The following PRUNE2 variants were observed in gnomAD, a reference collection of about 807,000 sequenced individuals.
PRUNE2 encodes the protein prune homolog 2 with BCH domain.
PRUNE2 carries 164 observed loss-of-function variants against 252.0 expected under a neutral mutation model. The ratio of observed to expected loss-of-function variants is 0.65; its 90% CI spans 0.57 to 0.74. The LOEUF is 0.74. PRUNE2 is among the 30% of genes least tolerant of loss of function. PRUNE2 has a pLI of 0.00. For missense variants in PRUNE2, 3,495 were observed against 3,711.0 expected, an observed-to-expected ratio of 0.94 and a Z score of 1.51; for synonymous variants, 1,292 against 1,350.2, an observed-to-expected ratio of 0.96 and a Z score of 0.94.
chr9:76,626,184 TTAAG>T lies in PRUNE2; in HGVS notation c.9150-1698_9150-1695del, dbSNP rs533698392. ...GGAACACTATTTCAGTATTCACTAA[TTAAG>T]TGTTTGCAGTGACTTTATAGAACAT... On this transcript the variant is annotated intron_variant, in intron 16 of 18. Transcript: ENST00000376718. Among the ~76,000 whole-genome samples, 49 of 152,346 alleles carry T rather than the reference TTAAG, an allele frequency of 3.2e-4. 2 individuals carry two copies. In the South Asian group the frequency reaches 9.9e-3, roughly 31 times the overall value.
At chr9:76,699,033 A>T (rs75059990) in intron 9 of PRUNE2, among the ~76,000 whole-genome samples, 56 of 43,158 alleles carry the variant, frequency 1.3e-3, no homozygotes, top group East Asian at 6.6e-3. Flanking sequence ...CTCCTTCCCC[A>T]CCCCACCCCC....
At chr9:76,740,224 C>A (rs1425680900) in intron 6 of PRUNE2, 3 of 152,088 alleles carry the variant, frequency 2.0e-5, no homozygotes, top group South Asian at 4.2e-4. Flanking sequence ...CCGAGGCAGG[C>A]GGATCACGAG....
chr9:76,905,997 G>C lies in PRUNE2; in HGVS notation c.-34C>G, dbSNP rs138036144. ...TAGGGGTTTGGAACCCGGGTACTCG[G>C]AGGGGCGCAGTGGAAAATCTCGGCC... On this transcript the variant is annotated 5_prime_UTR_variant, in exon 1 of 19. Transcript: ENST00000376718. The C allele has an allele frequency of 1.8e-5, 29 of 1,612,434 alleles. 1 individual carries two copies. The Admixed American group carries it at 3.7e-4, about 20-fold the overall frequency.
At chr9:76,890,686 C>T (rs1034784087) in intron 1 of PRUNE2, among the ~76,000 whole-genome samples, 4 of 152,062 alleles carry the variant, frequency 2.6e-5, no homozygotes, top group African/African-American at 9.7e-5. Context: ...CGGCATATAC[C>T]GAAGCCTCCC....
chr9:76,797,411 C>A (rs2131502788), intron 6 of PRUNE2, among the ~76,000 whole-genome samples: 1 of 152,086 alleles, frequency 6.6e-6, no homozygotes, highest in South Asian at 2.1e-4. Context: ...GGTTAGTTTT[C>A]TTTTCTTGGT....
intron 9 of PRUNE2, among the ~76,000 whole-genome samples, chr9:76,690,343 G>C (rs2044577853): frequency 6.6e-6 from 1 of 152,138 alleles, no homozygotes; most frequent in Non-Finnish European, 1.5e-5. Flanking sequence ...CTTGACAATA[G>C]CAAACAGAGG....
intron 11 of PRUNE2, among the ~76,000 whole-genome samples, chr9:76,647,060 G>A (rs2133064485): frequency 6.6e-6 from 1 of 152,188 alleles, no homozygotes; most frequent in South Asian, 2.1e-4. Context: ...ATGTTGGCAT[G>A]TGCCTGTAGT....
chr9:76,843,683 A>C (rs2059518483), intron 4 of PRUNE2, among the ~76,000 whole-genome samples: 1 of 151,446 alleles, frequency 6.6e-6, no homozygotes, highest in African/African-American at 2.4e-5. Context: ...ATAAATTCTA[A>C]GTTTGAATTC....
intron 1 of PRUNE2, among the ~76,000 whole-genome samples, chr9:76,866,774 G>A (rs2060865375): frequency 6.6e-6 from 1 of 152,020 alleles, no homozygotes; most frequent in African/African-American, 2.4e-5. Context: ...AAAGAAAAGA[G>A]AGCGAGAGAA....
At chr9:76,851,898 T>C (rs1442248759) in intron 2 of PRUNE2, among the ~76,000 whole-genome samples, 1 of 152,228 alleles carries the variant, frequency 6.6e-6, no homozygotes, top group African/African-American at 2.4e-5. Context: ...TAAAAATTAC[T>C]GTGAATGTAC....
At chr9:76,837,373 C>T (rs563309113) in intron 4 of PRUNE2, among the ~76,000 whole-genome samples, 1 of 151,744 alleles carries the variant, frequency 6.6e-6, no homozygotes, top group South Asian at 2.1e-4. Context: ...ACCCGGGAGG[C>T]AGAGATTGCA....
At position 76,709,223 on chromosome 9, in the gene PRUNE2, C is replaced by A; in HGVS notation, c.3051G>T (p.Gln1017His). ...CTGAACTGATTCGATTTCGAGATGA[C>A]TGTTGCAGTGACTGAGGAGGAATGT... ...ETDIPPQSLQ[Q>H]SSRNRISSGP... Residue 1017 changes from glutamine (Q) to histidine (H), a missense_variant, in exon 8 of 19, where the codon CAG (glutamine) becomes CAT (histidine). By Grantham distance (24) the Gln-to-His change is conservative. Transcript: ENST00000376718. 6.2e-7 allele frequency: 1 copy of A among 1,613,832 alleles called. No homozygotes were observed.
chr9:76,835,143 A>G (rs1397395149), intron 4 of PRUNE2, among the ~76,000 whole-genome samples: 2 of 152,214 alleles, frequency 1.3e-5, no homozygotes, highest in Non-Finnish European at 2.9e-5. Context: ...GCTCAAAAGA[A>G]TGGAGAAGTG....
chr9:76,681,308 T>C (rs745483788), intron 9 of PRUNE2, among the ~76,000 whole-genome samples: 5 of 152,092 alleles, frequency 3.3e-5, no homozygotes, highest in African/African-American at 1.2e-4. Context: ...TGTTGTTTAA[T>C]GGGTATTGAG....
At chr9:76,637,009 G>GTGTGTGTGTGTGTATA (rs1554779750) in intron 14 of PRUNE2, among the ~76,000 whole-genome samples, 5 of 150,402 alleles carry the variant, frequency 3.3e-5, no homozygotes, top group African/African-American at 1.2e-4. Flanking sequence ...GTGTGTGTGT[G>GTGTGTGTGTGTGTATA]TATAATTTTA....
intron 6 of PRUNE2, among the ~76,000 whole-genome samples, chr9:76,752,096 GGTT>G (rs1322522192): frequency 0.035 from 748 of 21,408 alleles, 16 homozygotes; most frequent in East Asian, 0.32. Context: ...TTTTTTTTTT[GGTT>G]TTTTTTTTTT....
At chr9:76,720,728 T>C (rs2047564375) in intron 6 of PRUNE2, among the ~76,000 whole-genome samples, 1 of 152,230 alleles carries the variant, frequency 6.6e-6, no homozygotes, top group African/African-American at 2.4e-5. Context: ...TTCTCCATAA[T>C]ATATGTGAAC....
At chr9:76,878,421 C>T (rs2061583140) in intron 1 of PRUNE2, among the ~76,000 whole-genome samples, 2 of 152,166 alleles carry the variant, frequency 1.3e-5, no homozygotes, top group South Asian at 4.1e-4. Context: ...TCGCTTCTAT[C>T]TGTGCAATGA....
chr9:76,899,229 AC>A (rs1307985119), intron 1 of PRUNE2, among the ~76,000 whole-genome samples: 2 of 152,138 alleles, frequency 1.3e-5, no homozygotes, highest in Non-Finnish European at 1.5e-5. Context: ...TGGCTGATCT[AC>A]CCAATGCAGT....
Sources: gnomAD v4.1 joint callset for allele counts (sites outside exome capture counted in the v4.1 genomes callset) on GRCh38, gnomAD v4.1.1 for gene constraint, MANE v1.5 for transcripts, NCBI Gene and HGNC (gene_info 2026-07-23, HGNC 2026-07-21) for gene names.